The following FAM83D variants were observed in gnomAD, a reference collection of about 807,000 sequenced individuals.
FAM83D encodes the protein protein FAM83D.
A neutral mutation model predicts 25.4 loss-of-function variants in FAM83D; 26 were observed. The ratio of observed to expected loss-of-function variants is 1.02; its 90% CI spans 0.75 to 1.42. The LOEUF (loss-of-function observed/expected upper bound fraction) is 1.42. Among genes scored for constraint, FAM83D ranks in the 40% most tolerant of loss-of-function variants. FAM83D has a pLI of 0.00. For synonymous variants in FAM83D, 310 were observed against 318.5 expected (o/e 0.97, Z 0.28); for missense variants, 740 against 758.1 (o/e 0.98, Z 0.28).
chr20:38,936,851 G>A (rs967202498), intron 1 of FAM83D, among the ~76,000 whole-genome samples: 1 of 152,098 alleles, frequency 6.6e-6, no homozygotes. Flanking sequence ...GTTCTATGTG[G>A]CAAGTAACAT....
intron 1 of FAM83D, among the ~76,000 whole-genome samples, chr20:38,933,950 G>A (rs1302303336): frequency 6.6e-6 from 1 of 151,884 alleles, no homozygotes; most frequent in Non-Finnish European, 1.5e-5. Context: ...TGCCTCCCGG[G>A]TTCAAGCGAT....
chr20:38,938,958 T>G (rs1167518613), intron 1 of FAM83D, among the ~76,000 whole-genome samples: 1 of 152,236 alleles, frequency 6.6e-6, no homozygotes, highest in Non-Finnish European at 1.5e-5. Context: ...GTTGGATTCT[T>G]CACTTCGAAC....
chr20:38,932,994 A>T (rs1029132327), intron 1 of FAM83D, among the ~76,000 whole-genome samples: 2 of 152,192 alleles, frequency 1.3e-5, no homozygotes, highest in African/African-American at 2.4e-5. Context: ...ACTTGGATGT[A>T]TCTGAATGAA....
intron 2 of FAM83D, among the ~76,000 whole-genome samples, chr20:38,944,802 G>T (rs889802973): frequency 6.6e-6 from 1 of 152,138 alleles, no homozygotes; most frequent in Non-Finnish European, 1.5e-5. Context: ...AGCCAGGCCT[G>T]GTGGCACACG....
At position 38,926,472 on chromosome 20, in the gene FAM83D, GGTGCCCGCCGC is replaced by G; in HGVS notation, c.31_41del (p.Val11LeufsTer50). 3 of 1,597,102 alleles carry G rather than the reference GGTGCCCGCCGC, an allele frequency of 1.9e-6. No individual in the cohort carries two copies. The highest frequency in any genetic ancestry group is 2.5e-6 in the Non-Finnish European group (3 of 1,178,354). ...CTCTGCTGTCCGAGGGCCTGGACGA[GGTGCCCGCCGC>G]CTGCCTGTCGCCGTGCGGGCCGCCC... is the stretch of plus-strand genomic sequence containing the variant. On this transcript the variant is annotated frameshift_variant, in exon 1 of 4. Coordinates refer to ENST00000619850, the MANE Select transcript of FAM83D (RefSeq NM_030919.3). LOFTEE classifies it high-confidence loss of function.
In FAM83D at chr20:38,926,798, C is replaced by A; in HGVS notation, c.356C>A (p.Ala119Asp). 6.5e-7 allele frequency: 1 copy of A among 1,543,860 alleles called. No homozygotes were observed. The highest frequency in any genetic ancestry group is 1.4e-5 in the African/African-American group (1 of 73,126). ...CCGCTGTTGGAGCTTGGCTGGCCCG[C>A]CTTCTACCAGGGCGCCTACCGCGGC... ...EPPLLELGWP[A>D]FYQGAYRGAT... Residue 119 changes from alanine (A) to aspartate (D), a missense_variant, in exon 1 of 4, where the codon GCC (alanine) becomes GAC (aspartate). This residue lies in a region of FAM83D where 333 missense variants were observed against 298.6 expected (regional missense o/e 1.12). Transcript: ENST00000619850.
chr20:38,941,891 T>A, intron 1 of FAM83D, 68 bp from the exon 2 acceptor site: 1 of 1,507,118 alleles, frequency 6.6e-7, no homozygotes, highest in Non-Finnish European at 9.2e-7. Flanking sequence ...GAGTCCAGAG[T>A]CCAGAGAGCG....
chr20:38,952,353 C>A lies in FAM83D; in HGVS notation c.1591C>A (p.Arg531=). The A allele has an allele frequency of 6.2e-7, 1 of 1,614,154 alleles. No homozygotes were observed. Among genetic ancestry groups the A allele is most frequent in the South Asian group, 1.1e-5 (1 of 91,086 alleles). ...SDSLRNLNKE[R]QFHFAGIRSR... ...CTCACTTAGAAACTTGAACAAAGAG[C>A]GGCAATTCCACTTCGCTGGTATCAG... The change falls in exon 4 of 4, where the codon CGG becomes AGG. Residue 531 remains arginine (R), a synonymous_variant. Coordinates refer to ENST00000619850, the MANE Select transcript of FAM83D (RefSeq NM_030919.3).
At position 38,935,525 on chromosome 20, in the gene FAM83D, C is replaced by T. The variant is rs549499816; in HGVS notation, c.484-6434C>T. On this transcript the variant is annotated intron_variant, in intron 1 of 3. Coordinates refer to ENST00000619850, the MANE Select transcript of FAM83D (RefSeq NM_030919.3). Reference sequence around the variant, plus strand: ...TGGTGCAATCATGACTCACTGCAGCCTCGACCTCCCAGGCTCAAGTAATCC... The same window carrying T: ...TGGTGCAATCATGACTCACTGCAGCTTCGACCTCCCAGGCTCAAGTAATCC... Among the ~76,000 whole-genome samples, 3 of 152,342 alleles carry T rather than the reference C, an allele frequency of 2.0e-5. No homozygotes were observed. In the South Asian group the frequency reaches 6.2e-4, roughly 32 times the overall value.
At chr20:38,949,439 TG>T (rs1388710445) in intron 3 of FAM83D, among the ~76,000 whole-genome samples, 18 of 152,040 alleles carry the variant, frequency 1.2e-4, no homozygotes, top group African/African-American at 4.3e-4. Context: ...GGGTTACAGG[TG>T]TGAGCCACTG....
Position 38,947,944 on chromosome 20 carries a change from G to A in FAM83D, c.720G>A (p.Lys240=), listed in dbSNP as rs2085735337. 2 of 1,614,200 alleles carry A rather than the reference G, an allele frequency of 1.2e-6. No homozygotes were observed. The highest frequency in any genetic ancestry group is 1.6e-4 in the Middle Eastern group (1 of 6,062). ...GGTCAGGAACTAAGATTATTGGGAA[G>A]GTTCACGAAAAGTTCACGTTGATTG... ...YARSGTKIIG[K]VHEKFTLIDG... The change falls in exon 3 of 4, where the codon AAG becomes AAA. Residue 240 remains lysine (K), a synonymous_variant. Transcript: ENST00000619850.
intron 3 of FAM83D, among the ~76,000 whole-genome samples, chr20:38,950,471 C>T (rs552524909): frequency 1.2e-4 from 19 of 152,320 alleles, no homozygotes; most frequent in African/African-American, 4.1e-4. Flanking sequence ...CACTAATCAG[C>T]TCTAAAATGT....
In FAM83D at chr20:38,941,988, A is replaced by G. The variant is rs1368448232; in HGVS notation, c.513A>G (p.Thr171=). 1.2e-6 allele frequency: 2 copies of G among 1,614,174 alleles called. No individual in the cohort carries two copies. The highest frequency in any genetic ancestry group is 1.7e-6 in the Non-Finnish European group (2 of 1,180,034). The change falls in exon 2 of 4, where the codon ACA becomes ACG. Residue 171 remains threonine, a synonymous_variant. Transcript: ENST00000619850. Reference sequence around the variant, plus strand: ...TTGCAGTGGTCATGGACGTGTTCACAGACATCGACATCTTCAGAGACCTGC... The same window carrying G: ...TTGCAGTGGTCATGGACGTGTTCACGGACATCGACATCTTCAGAGACCTGC... ...EVIAVVMDVF[T]DIDIFRDLQE...
rs1461687642 is a variant in FAM83D, at chr20:38,951,575, C to G, written c.813C>G (p.Asn271Lys). ...CGGATGGCAAATTAAACAGCAGTAACTTGGTAATTCTGTCTGGCCAAGTGG... is the reference window on the plus strand; with the variant it reads ...CGGATGGCAAATTAAACAGCAGTAAGTTGGTAATTCTGTCTGGCCAAGTGG... ...TWTDGKLNSSNLVILSGQVVE... is the reference protein window; with the variant it reads ...TWTDGKLNSSKLVILSGQVVE... Residue 271 changes from asparagine to lysine, a missense_variant, in exon 4 of 4, where the codon AAC (asparagine) becomes AAG (lysine). Physicochemically the swap from Asn to Lys is moderately conservative, Grantham distance 94. Coordinates refer to ENST00000619850, the MANE Select transcript of FAM83D (RefSeq NM_030919.3). The G allele has an allele frequency of 1.9e-6, 3 of 1,613,828 alleles. No homozygotes were observed. The African/African-American group carries it at 4.0e-5, about 22-fold the overall frequency.
At chr20:38,930,082 T>C (rs987978176) in intron 1 of FAM83D, among the ~76,000 whole-genome samples, 5 of 152,216 alleles carry the variant, frequency 3.3e-5, no homozygotes, top group Non-Finnish European at 7.3e-5. Flanking sequence ...GCTACTACTA[T>C]TTATGGGCAT....
At chr20:38,943,815 T>C (rs2085713721) in intron 2 of FAM83D, among the ~76,000 whole-genome samples, 1 of 152,054 alleles carries the variant, frequency 6.6e-6, no homozygotes, top group Admixed American at 6.6e-5. Flanking sequence ...CTCAGCCTCC[T>C]GAGTAGCTGG....
At chr20:38,930,274 A>G (rs1266494576) in intron 1 of FAM83D, among the ~76,000 whole-genome samples, 1 of 152,140 alleles carries the variant, frequency 6.6e-6, no homozygotes, top group Non-Finnish European at 1.5e-5. Context: ...AGCACTTTGA[A>G]TGGGTCAGTT....
intron 1 of FAM83D, among the ~76,000 whole-genome samples, chr20:38,936,720 C>T (rs776338135): frequency 6.6e-6 from 1 of 152,102 alleles, no homozygotes; most frequent in African/African-American, 2.4e-5. Context: ...AACAAGCTAC[C>T]TAACCTCTCC....
chr20:38,952,034 C>T lies in FAM83D; in HGVS notation c.1272C>T (p.Val424=). ...TTACAGTQTA[V]ITRIASSQTT... Reference sequence around the variant, plus strand: ...CATGTGCTGGTACCCAGACTGCAGTCATCACCAGGATAGCAAGCTCTCAAA... The same window carrying T: ...CATGTGCTGGTACCCAGACTGCAGTTATCACCAGGATAGCAAGCTCTCAAA... The change falls in exon 4 of 4, where the codon GTC becomes GTT. Residue 424 remains valine (V), a synonymous_variant. Transcript: ENST00000619850. The T allele has an allele frequency of 6.2e-7, 1 of 1,614,216 alleles. No individual in the cohort carries two copies. The highest frequency in any genetic ancestry group is 1.3e-5 in the African/African-American group (1 of 75,066).
Sources: allele counts gnomAD v4.1 joint callset (sites outside exome capture counted in the v4.1 genomes callset), GRCh38; gene constraint gnomAD v4.1.1; regional missense constraint gnomAD v4.1.1; transcripts MANE v1.5; gene names NCBI Gene and HGNC (gene_info 2026-07-23, HGNC 2026-07-21).